XPNPEP3: variants seen among roughly 807,000 people sequenced by gnomAD.
XPNPEP3 encodes the protein X-prolyl aminopeptidase 3.
In XPNPEP3, 41 loss-of-function variants were observed where a neutral mutation model predicts 60.0. The ratio of observed to expected loss-of-function variants is 0.68; its 90% CI spans 0.53 to 0.89. The LOEUF (loss-of-function observed/expected upper bound fraction) is 0.89. Ranked by LOEUF, XPNPEP3 falls within the 40% of genes least tolerant of loss-of-function variation. XPNPEP3 has a pLI of 0.00. For missense variants in XPNPEP3, 598 were observed against 638.9 expected, an observed-to-expected ratio of 0.94 and a Z score of 0.69; for synonymous variants, 212 against 223.2, an observed-to-expected ratio of 0.95 and a Z score of 0.45.
intron 1 of XPNPEP3, chr22:40,860,978 GT>G (rs1337059775): frequency 2.1e-5 from 27 of 1,266,046 alleles, no homozygotes; most frequent in Non-Finnish European, 1.1e-5. Flanking sequence ...AAAGCTCTTA[GT>G]ATAGTATTAA....
intron 9 of XPNPEP3, among the ~76,000 whole-genome samples, chr22:40,925,158 C>G (rs565021663): frequency 6.6e-6 from 1 of 152,194 alleles, no homozygotes; most frequent in African/African-American, 2.4e-5. Context: ...AACACCTCTG[C>G]AAGCTGCATT....
At chr22:40,860,547 T>C (rs952018934) in intron 1 of XPNPEP3, 17 of 866,086 alleles carry the variant, frequency 2.0e-5, no homozygotes, top group Non-Finnish European at 2.7e-5. Context: ...ATGCTATGCA[T>C]GTTTCGTAAG....
intron 4 of XPNPEP3, among the ~76,000 whole-genome samples, chr22:40,907,370 G>A (rs562117453): frequency 3.9e-5 from 6 of 152,052 alleles, no homozygotes; most frequent in Admixed American, 6.6e-5. Flanking sequence ...GCAGTGAGCC[G>A]AGATCGCGCC....
Position 40,881,754 on chromosome 22 carries a change from T to G in XPNPEP3, c.182-16T>G. The G allele has an allele frequency of 1.2e-6, 2 of 1,613,984 alleles. No homozygotes were observed. The highest frequency in any genetic ancestry group is 1.7e-6 in the Non-Finnish European group (2 of 1,179,854). On this transcript the variant is annotated splice_polypyrimidine_tract_variant and intron_variant, in intron 2 of 9. Transcript: ENST00000357137. ...CTGCAGAAATGTAAAGCATCCCTTTTATTTGTCATTTCTAGGGGAGGTAAC... is the reference window on the plus strand; with the variant it reads ...CTGCAGAAATGTAAAGCATCCCTTTGATTTGTCATTTCTAGGGGAGGTAAC...
chr22:40,901,779 A>G (rs958196222), intron 4 of XPNPEP3, among the ~76,000 whole-genome samples: 1 of 152,144 alleles, frequency 6.6e-6, no homozygotes, highest in African/African-American at 2.4e-5. Context: ...GACTCCATTT[A>G]TATGAAATAT....
intron 4 of XPNPEP3, among the ~76,000 whole-genome samples, chr22:40,903,521 TA>T (rs1248435211): frequency 6.6e-6 from 1 of 151,794 alleles, no homozygotes; most frequent in African/African-American, 2.4e-5. Context: ...GATGGAATCT[TA>T]CTCTGTCGCC....
At chr22:40,903,179 C>A (rs2058141414) in intron 4 of XPNPEP3, among the ~76,000 whole-genome samples, 1 of 152,192 alleles carries the variant, frequency 6.6e-6, no homozygotes, top group Non-Finnish European at 1.5e-5. Flanking sequence ...CATACAGGAA[C>A]TTTAGCAGAA....
chr22:40,874,687 A>G (rs974660545), intron 2 of XPNPEP3, among the ~76,000 whole-genome samples: 2 of 152,136 alleles, frequency 1.3e-5, no homozygotes, highest in African/African-American at 2.4e-5. Context: ...TGGCCCCCCA[A>G]AGTGCTGGAA....
chr22:40,882,354 A>T (rs1200540210), intron 3 of XPNPEP3, among the ~76,000 whole-genome samples, 177 bp downstream of exon 3: 7 of 152,138 alleles, frequency 4.6e-5, no homozygotes, highest in Admixed American at 4.6e-4. Context: ...GATTTCATTT[A>T]TGCCTGGTGC....
chr22:40,860,770 C>A, intron 1 of XPNPEP3: 2 of 713,112 alleles, frequency 2.8e-6, no homozygotes, highest in South Asian at 2.0e-5. Context: ...TTTCTACCAG[C>A]TTCCCGAGTA....
intron 4 of XPNPEP3, among the ~76,000 whole-genome samples, chr22:40,905,933 A>G (rs1192778368): frequency 6.6e-6 from 1 of 152,028 alleles, no homozygotes; most frequent in Non-Finnish European, 1.5e-5. Flanking sequence ...CTGGGATTAC[A>G]GGTGCACACC....
At chr22:40,875,790 G>A (rs1037213456) in intron 2 of XPNPEP3, among the ~76,000 whole-genome samples, 2 of 151,390 alleles carry the variant, frequency 1.3e-5, no homozygotes, top group African/African-American at 4.9e-5. Context: ...AAGGTGGGCC[G>A]ATTGCTTGAG....
chr22:40,931,172 A>T lies in XPNPEP3; in HGVS notation c.*4737A>T, dbSNP rs1193875290. The T allele has an allele frequency of 6.6e-6, 1 of 152,098 alleles. No homozygotes were observed. The highest frequency in any genetic ancestry group is 6.6e-5 in the Admixed American group (1 of 15,250). 9.4% of individuals were successfully genotyped at this position (152,098 alleles called of 1,614,324 possible). On this transcript the variant is annotated 3_prime_UTR_variant, in exon 10 of 10. Transcript: ENST00000357137. ...GAGCCTTTAGTTCTAAGTATAATAAATAATATATATACCAGGCATTCCTAT... is the reference window on the plus strand; with the variant it reads ...GAGCCTTTAGTTCTAAGTATAATAATTAATATATATACCAGGCATTCCTAT...
intron 1 of XPNPEP3, chr22:40,860,597 T>C: frequency 8.1e-7 from 1 of 1,240,862 alleles, no homozygotes; most frequent in South Asian, 1.7e-5. Flanking sequence ...AAAAATAGGC[T>C]ATAAACTCTA....
chr22:40,874,646 G>T (rs2058020705), intron 2 of XPNPEP3, among the ~76,000 whole-genome samples: 2 of 152,044 alleles, frequency 1.3e-5, no homozygotes, highest in Non-Finnish European at 2.9e-5. Context: ...GGCTGGTCTT[G>T]AACTCCTGGA....
At chr22:40,914,432 G>A in intron 7 of XPNPEP3, 108 bp downstream of exon 7, 1 of 928,292 alleles carries the variant, frequency 1.1e-6, no homozygotes, top group Non-Finnish European at 1.7e-6. Flanking sequence ...TCCATTCCTG[G>A]TCAAGTTAGG....
At chr22:40,860,765 A>G (rs1302822816) in intron 1 of XPNPEP3, 10 of 726,496 alleles carry the variant, frequency 1.4e-5, no homozygotes, top group East Asian at 8.5e-5. Flanking sequence ...CAGTCTTTCT[A>G]CCAGCTTCCC....
At chr22:40,910,346 C>T (rs1335921354) in intron 6 of XPNPEP3, among the ~76,000 whole-genome samples, 1 of 152,046 alleles carries the variant, frequency 6.6e-6, no homozygotes, top group Non-Finnish European at 1.5e-5. Flanking sequence ...TTAGCTACTG[C>T]TTGTTTATAA....
Position 40,857,224 on chromosome 22 carries a change from G to A in XPNPEP3, c.43G>A (p.Ala15Thr). The change falls in exon 1 of 10, where the codon GCA (alanine) becomes ACA (threonine). Residue 15 changes from alanine (A) to threonine (T), a missense_variant. Physicochemically the swap from Ala to Thr is moderately conservative, Grantham distance 58. Transcript: ENST00000357137. ...LSAPKLVPAV[A>T]NVRGLSGCML... ...AGCCCCCAAGCTGGTTCCCGCTGTA[G>A]CAAACGTCCGCGGCCTCTCAGGTTA... 1 of 1,614,232 alleles carries A rather than the reference G, an allele frequency of 6.2e-7. No individual in the cohort carries two copies. Among genetic ancestry groups the A allele is most frequent in the Non-Finnish European group, 8.5e-7 (1 of 1,180,036 alleles).
Sources: gnomAD v4.1 joint callset for allele counts (sites outside exome capture counted in the v4.1 genomes callset) on GRCh38, gnomAD v4.1.1 for gene constraint, MANE v1.5 for transcripts, NCBI Gene and HGNC (gene_info 2026-07-23, HGNC 2026-07-21) for gene names.